Variants in ADAMTS12 observed in about 807,000 individuals in gnomAD.
The protein encoded by ADAMTS12 is ADAM metallopeptidase with thrombospondin type 1 motif 12.
A neutral mutation model predicts 167.8 loss-of-function variants in ADAMTS12; 118 were observed. The ratio of observed to expected loss-of-function variants is 0.70; its 90% CI spans 0.61 to 0.82. The LOEUF (loss-of-function observed/expected upper bound fraction) is 0.82, where lower values mean the gene tolerates loss of function less well. ADAMTS12 is among the 40% of genes least tolerant of loss of function. ADAMTS12 has a pLI of 0.00. For synonymous variants in ADAMTS12, 704 were observed against 716.9 expected (o/e 0.98, Z 0.29); for missense variants, 1,916 against 1,998.8 (o/e 0.96, Z 0.79).
intron 15 of ADAMTS12, 101 bp downstream of exon 15, chr5:33,615,727 T>G: frequency 6.7e-6 from 10 of 1,492,966 alleles, no homozygotes; most frequent in Non-Finnish European, 9.0e-6. Context: ...AAAGAGGTTT[T>G]AAAGATTCTG....
chr5:33,674,563 C>T (rs1291174566), intron 5 of ADAMTS12, among the ~76,000 whole-genome samples: 1 of 152,126 alleles, frequency 6.6e-6, no homozygotes, highest in Admixed American at 6.5e-5. Context: ...CGTTTGCTTA[C>T]AATCTGTTTT....
chr5:33,754,612 G>A (rs1038479514), intron 2 of ADAMTS12, among the ~76,000 whole-genome samples: 1 of 152,214 alleles, frequency 6.6e-6, no homozygotes, highest in African/African-American at 2.4e-5. Flanking sequence ...GGAGGCCAAG[G>A]TGGGTGGATC....
At chr5:33,806,845 A>T (rs777972088) in intron 2 of ADAMTS12, among the ~76,000 whole-genome samples, 1 of 152,182 alleles carries the variant, frequency 6.6e-6, no homozygotes, top group Non-Finnish European at 1.5e-5. Flanking sequence ...GACGGCTGTC[A>T]TCCATCCAGC....
At chr5:33,593,766 G>A (rs1326448295) in intron 17 of ADAMTS12, among the ~76,000 whole-genome samples, 1 of 152,098 alleles carries the variant, frequency 6.6e-6, no homozygotes, top group South Asian at 2.1e-4. Context: ...GTTGATAGGT[G>A]CAGCAAACCA....
intron 22 of ADAMTS12, among the ~76,000 whole-genome samples, chr5:33,539,051 C>T (rs1388627282): frequency 6.6e-6 from 1 of 152,176 alleles, no homozygotes; most frequent in East Asian, 1.9e-4. Context: ...AAGTGATCCT[C>T]CTGCCTCAGC....
At chr5:33,604,498 T>A (rs1429758088) in intron 16 of ADAMTS12, among the ~76,000 whole-genome samples, 2 of 111,518 alleles carry the variant, frequency 1.8e-5, no homozygotes, top group Non-Finnish European at 1.8e-5. Context: ...CAAAACTCCA[T>A]CTCAAAATTA....
intron 1 of ADAMTS12, among the ~76,000 whole-genome samples, chr5:33,883,347 T>G (rs1186307251): frequency 5.5e-5 from 8 of 145,340 alleles, no homozygotes; most frequent in African/African-American, 1.7e-4. Flanking sequence ...TTTTTGTTTT[T>G]TTTTTTTCCA....
At chr5:33,708,098 A>G (rs1743263297) in intron 3 of ADAMTS12, among the ~76,000 whole-genome samples, 1 of 152,220 alleles carries the variant, frequency 6.6e-6, no homozygotes, top group African/African-American at 2.4e-5. Flanking sequence ...ACAAATTTAC[A>G]AGAAAAAAAC....
intron 3 of ADAMTS12, among the ~76,000 whole-genome samples, chr5:33,710,699 T>G (rs1280197301): frequency 6.6e-6 from 1 of 152,170 alleles, no homozygotes; most frequent in Non-Finnish European, 1.5e-5. Flanking sequence ...ACAGACTGCT[T>G]AAACAACAGT....
intron 7 of ADAMTS12, among the ~76,000 whole-genome samples, chr5:33,655,614 T>TA (rs1741025472): frequency 1.6e-5 from 1 of 63,982 alleles, no homozygotes; most frequent in African/African-American, 4.1e-5. Context: ...GACTTTTTTT[T>TA]TTTTAGTTTT....
At chr5:33,830,211 T>C (rs1748238903) in intron 2 of ADAMTS12, among the ~76,000 whole-genome samples, 1 of 152,088 alleles carries the variant, frequency 6.6e-6, no homozygotes, top group South Asian at 2.1e-4. Context: ...AATGGTCCAA[T>C]AAGGGCTCTG....
rs571417140 is a variant in ADAMTS12, at chr5:33,837,410, C to A, written c.489+43709G>T. Among the ~76,000 whole-genome samples the A allele has an allele frequency of 3.3e-5, 5 of 152,314 alleles. No individual in the cohort carries two copies. In the East Asian group the frequency reaches 7.7e-4, roughly 23 times the overall value. ...GAGTTGCTGCTTTTAATTACCTCTT[C>A]CAAAGATGTACTGGAGAAAGTCCTC... On this transcript the variant is annotated intron_variant, in intron 2 of 23. Transcript: ENST00000504830.
At position 33,561,097 on chromosome 5, in the gene ADAMTS12, T is replaced by C; in HGVS notation, c.4055A>G (p.Gln1352Arg). Residue 1352 changes from glutamine (Q) to arginine (R), a missense_variant, in exon 20 of 24, where the codon CAG (glutamine) becomes CGG (arginine). By Grantham distance (43) the Gln-to-Arg change is conservative (BLOSUM62 1). Transcript: ENST00000504830. Reference protein sequence around the residue: ...TQMDSDCAAIQRPDPAKRCHL... With the variant: ...TQMDSDCAAIRRPDPAKRCHL... The stretch of plus-strand genomic sequence containing the variant: ...GCATCTTTTTGCAGGGTCAGGTCTC[T>C]GGATGGCCGCACAGTCAGAATCCAT... 6.2e-7 allele frequency: 1 copy of C among 1,614,208 alleles called. No individual in the cohort carries two copies. Among genetic ancestry groups the C allele is most frequent in the East Asian group, 2.2e-5 (1 of 44,872 alleles).
intron 5 of ADAMTS12, among the ~76,000 whole-genome samples, chr5:33,663,712 C>A (rs778412012): frequency 3.5e-4 from 53 of 152,308 alleles, no homozygotes; most frequent in Non-Finnish European, 6.2e-4. Context: ...TCATCAACCT[C>A]ACTGGGAAGG....
At chr5:33,634,903 C>T (rs1237956270) in intron 12 of ADAMTS12, among the ~76,000 whole-genome samples, 1 of 151,568 alleles carries the variant, frequency 6.6e-6, no homozygotes, top group Non-Finnish European at 1.5e-5. Flanking sequence ...ACTCTGTCAC[C>T]CAGGCTGGAG....
chr5:33,538,879 T>G (rs925796115), intron 22 of ADAMTS12, among the ~76,000 whole-genome samples: 2 of 152,150 alleles, frequency 1.3e-5, no homozygotes, highest in African/African-American at 4.8e-5. Flanking sequence ...GAGATTCCAT[T>G]TGATAGAAAA....
At chr5:33,713,432 T>C (rs1222714909) in intron 3 of ADAMTS12, among the ~76,000 whole-genome samples, 1 of 152,030 alleles carries the variant, frequency 6.6e-6, no homozygotes, top group Non-Finnish European at 1.5e-5. Flanking sequence ...CTTTTAAAAA[T>C]ACATATTTAA....
intron 2 of ADAMTS12, among the ~76,000 whole-genome samples, chr5:33,868,586 T>A (rs1749916437): frequency 6.6e-6 from 1 of 152,322 alleles, no homozygotes; most frequent in East Asian, 1.9e-4. Flanking sequence ...TCTGGTGGAA[T>A]AAATTTATAA....
intron 1 of ADAMTS12, among the ~76,000 whole-genome samples, chr5:33,884,967 T>C (rs1358001232): frequency 2.6e-5 from 4 of 152,182 alleles, no homozygotes; most frequent in Non-Finnish European, 5.9e-5. Flanking sequence ...AAAACATGAA[T>C]TCTGAATAAA....
Sources: gnomAD v4.1 joint callset for allele counts (sites outside exome capture counted in the v4.1 genomes callset) on GRCh38, gnomAD v4.1.1 for gene constraint, MANE v1.5 for transcripts, NCBI Gene and HGNC (gene_info 2026-07-23, HGNC 2026-07-21) for gene names.